Variants in SGSM1 observed in about 807,000 individuals in gnomAD.
The protein encoded by SGSM1 is RUN and TBC1 domain containing 2.
SGSM1 carries 73 observed loss-of-function variants against 133.8 expected under a neutral mutation model. The observed-to-expected ratio is 0.55, with a 90% CI of 0.45 to 0.66. The LOEUF (loss-of-function observed/expected upper bound fraction) is 0.66, where lower values mean the gene tolerates loss of function less well. Among genes scored for constraint, SGSM1 ranks in the 30% least tolerant of loss-of-function variants. The pLI is 0.00. For missense variants in SGSM1, 1,213 were observed against 1,448.1 expected (o/e 0.84, Z 2.64); for synonymous variants, 563 against 573.0 (o/e 0.98, Z 0.25).
At chr22:24,894,126 G>T (rs995937893) in intron 17 of SGSM1, among the ~76,000 whole-genome samples, 1 of 152,212 alleles carries the variant, frequency 6.6e-6, no homozygotes, top group Non-Finnish European at 1.5e-5. Context: ...ACCCTTGACT[G>T]AGGGTGGTGG....
chr22:24,901,825 GCCTATAGC>G lies in SGSM1; in HGVS notation c.2611-6_2612del. On this transcript the variant is annotated splice_acceptor_variant and splice_polypyrimidine_tract_variant and coding_sequence_variant and intron_variant, in exon 20 of 25. Coordinates refer to ENST00000400358, the MANE Select transcript of SGSM1 (RefSeq NM_001098497.3). LOFTEE classifies it high-confidence loss of function. The stretch of plus-strand genomic sequence containing the variant: ...CTTCCCCCTACCCCCTGCCCCGATG[GCCTATAGC>G]CAGAGCTGCTGGATCTGTACACGGT... 6.2e-7 allele frequency: 1 copy of G among 1,612,478 alleles called. No homozygotes were observed. The highest frequency in any genetic ancestry group is 8.5e-7 in the Non-Finnish European group (1 of 1,179,374).
intron 2 of SGSM1, among the ~76,000 whole-genome samples, chr22:24,833,283 C>G (rs1601902642): frequency 6.7e-6 from 1 of 148,472 alleles, no homozygotes; most frequent in African/African-American, 2.6e-5. Flanking sequence ...TAGGACCCAC[C>G]CTAATGACCT....
In SGSM1 at chr22:24,837,590, CCT is replaced by C. The variant is rs1491246124; in HGVS notation, c.64-7306_64-7305del. ...CGGGGAAAGGGAGACCCCCCCCCCC[CCT>C]TTCCCAGTCTGCTAAGTAGCGGGTG... On this transcript the variant is annotated intron_variant, in intron 2 of 24. Transcript: ENST00000400358. Among the ~76,000 whole-genome samples the C allele has an allele frequency of 2.9e-5, 4 of 137,004 alleles. No individual in the cohort carries two copies. In the South Asian group the frequency reaches 6.9e-4, roughly 23 times the overall value. 89.9% of individuals were successfully genotyped at this position (137,004 alleles called of 152,430 possible). A position where few individuals can be genotyped will look rare whatever the true frequency, so the allele number is the denominator to read the frequency against.
chr22:24,856,874 T>G (rs2147855567), intron 8 of SGSM1, among the ~76,000 whole-genome samples: 1 of 150,170 alleles, frequency 6.7e-6, no homozygotes, highest in East Asian at 2.1e-4. Context: ...GTTCACACCA[T>G]TCTCCTGCCT....
intron 2 of SGSM1, among the ~76,000 whole-genome samples, chr22:24,835,722 A>G (rs1372736813): frequency 6.6e-6 from 1 of 151,986 alleles, no homozygotes; most frequent in Non-Finnish European, 1.5e-5. Flanking sequence ...CTGGGCAAGC[A>G]GCAAGGAGGC....
rs1162963582 is a variant in SGSM1 at position 24,806,319 on chromosome 22, C to T, written c.-7C>T. ...CTCCTGGGACTCGGAACGCAGCGCT[C>T]GGAGCCATGGCCTCGGCCCCCGCGG... On this transcript the variant is annotated 5_prime_UTR_variant, in exon 1 of 25. Coordinates refer to ENST00000400358, the MANE Select transcript of SGSM1 (RefSeq NM_001098497.3). The T allele has an allele frequency of 4.1e-6, 6 of 1,459,780 alleles. No individual in the cohort carries two copies. In the African/African-American group the frequency reaches 5.9e-5, roughly 14 times the overall value. The allele number at this position is 1,459,780 out of a possible 1,614,324, so 90.4% of individuals were successfully genotyped here.
intron 13 of SGSM1, 32 bp from the exon 14 acceptor site, chr22:24,879,430 T>C (rs747657750): frequency 6.2e-7 from 1 of 1,610,652 alleles, no homozygotes. Flanking sequence ...TTTGGATCTA[T>C]TCTAAGCATC....
chr22:24,881,192 C>CA (rs757336427), intron 14 of SGSM1, among the ~76,000 whole-genome samples: 1,317 of 54,172 alleles, frequency 0.024, 56 homozygotes, highest in African/African-American at 0.06. Flanking sequence ...GACTCCGTCT[C>CA]AAAAAAAAAA....
At chr22:24,888,123 A>G (rs1047628680) in intron 16 of SGSM1, among the ~76,000 whole-genome samples, 1 of 152,158 alleles carries the variant, frequency 6.6e-6, no homozygotes, top group Non-Finnish European at 1.5e-5. Flanking sequence ...GTGATTGGCA[A>G]ATATTTCCTC....
chr22:24,850,297 G>T lies in SGSM1; in HGVS notation c.320G>T (p.Gly107Val), dbSNP rs182989816. ...TCTTGAAGGAGAAACCAGATTCAAG[G>T]CCTCCAGGAGAATGTGCGGAAGCTG... Reference protein sequence around the residue: ...LIESARNQIQGLQENVRKLPK... With the variant: ...LIESARNQIQVLQENVRKLPK... Residue 107 changes from glycine to valine, a missense_variant, in exon 5 of 25, where the codon GGC (glycine) becomes GTC (valine). By Grantham distance (109) the Gly-to-Val change is moderately radical. Coordinates refer to ENST00000400358, the MANE Select transcript of SGSM1 (RefSeq NM_001098497.3). The T allele has an allele frequency of 4.8e-5, 77 of 1,603,014 alleles. No individual in the cohort carries two copies. The African/African-American group carries it at 9.1e-4, about 19-fold the overall frequency.
intron 2 of SGSM1, among the ~76,000 whole-genome samples, chr22:24,839,108 T>G (rs1332441562): frequency 2.0e-5 from 3 of 152,158 alleles, no homozygotes; most frequent in Non-Finnish European, 2.9e-5. Context: ...CAAGCTGGAG[T>G]GCAGTAGTGT....
chr22:24,842,497 A>G (rs1488253724), intron 2 of SGSM1, among the ~76,000 whole-genome samples: 1 of 152,146 alleles, frequency 6.6e-6, no homozygotes, highest in African/African-American at 2.4e-5. Flanking sequence ...TGAGCCATTC[A>G]TTTTCCAAAG....
At chr22:24,824,147 C>T (rs936280445) in intron 2 of SGSM1, among the ~76,000 whole-genome samples, 2 of 152,052 alleles carry the variant, frequency 1.3e-5, no homozygotes, top group African/African-American at 4.8e-5. Flanking sequence ...GGAGGGAATG[C>T]GGAGAGGGGC....
intron 5 of SGSM1, among the ~76,000 whole-genome samples, chr22:24,853,769 ATTTTTTTT>A (rs57736929): frequency 0.025 from 3,073 of 123,460 alleles, 116 homozygotes; most frequent in African/African-American, 0.095. Context: ...CGCCTGGTGA[ATTTTTTTT>A]TTTTTTTTTT....
chr22:24,885,532 G>A (rs555977704), intron 15 of SGSM1, among the ~76,000 whole-genome samples: 2 of 146,880 alleles, frequency 1.4e-5, no homozygotes, highest in African/African-American at 2.5e-5. Context: ...TCCGCTTCCC[G>A]GGTTCAAGCG....
chr22:24,867,030 G>A (rs1931494737), intron 9 of SGSM1, 63 bp from the exon 10 acceptor site: 1 of 1,542,934 alleles, frequency 6.5e-7, no homozygotes, highest in African/African-American at 1.4e-5. Flanking sequence ...GCTGGCCTCT[G>A]AGCCCCTCCG....
chr22:24,845,042 C>A, intron 3 of SGSM1, 70 bp downstream of exon 3: 1 of 1,485,300 alleles, frequency 6.7e-7, no homozygotes, highest in Non-Finnish European at 9.3e-7. Flanking sequence ...GTCTTGGAGC[C>A]ACTGTTTTGC....
At chr22:24,888,938 CTT>C (rs1234715475) in intron 16 of SGSM1, among the ~76,000 whole-genome samples, 2,789 of 79,564 alleles carry the variant, frequency 0.035, 14 homozygotes, top group African/African-American at 0.092. Flanking sequence ...TCATAGTCAC[CTT>C]TTTTTTTTTT....
intron 9 of SGSM1, among the ~76,000 whole-genome samples, chr22:24,866,510 T>C (rs6004332): frequency 0.12 from 18,166 of 152,180 alleles, 1,148 homozygotes; most frequent in South Asian, 0.24. Context: ...CCCACATGAA[T>C]TGAAAACTCC....
Sources: gnomAD v4.1 joint callset for allele counts (sites outside exome capture counted in the v4.1 genomes callset) on GRCh38, gnomAD v4.1.1 for gene constraint, MANE v1.5 for transcripts, NCBI Gene and HGNC (gene_info 2026-07-23, HGNC 2026-07-21) for gene names.